The following ZNF585A variants were observed in gnomAD, a reference collection of about 807,000 sequenced individuals.
ZNF585A encodes the protein zinc finger protein 585A.
ZNF585A carries 9 observed loss-of-function variants against 14.9 expected under a neutral mutation model. The ratio of observed to expected loss-of-function variants is 0.60; its 90% confidence interval spans 0.36 to 1.05. The LOEUF is 1.05. Ranked by LOEUF, ZNF585A falls within the 50% of genes least tolerant of loss-of-function variation. The pLI, the probability that ZNF585A is intolerant of heterozygous loss-of-function variation, is 0.01. For missense variants in ZNF585A, 726 were observed against 926.4 expected (o/e 0.78, Z 2.81); for synonymous variants, 276 against 319.9 (o/e 0.86, Z 1.46).
At chr19:37,164,065 G>A (rs1207835648) in intron 2 of ZNF585A, among the ~76,000 whole-genome samples, 5 of 152,082 alleles carry the variant, frequency 3.3e-5, no homozygotes, top group African/African-American at 4.8e-5. Context: ...AATGAGTTTC[G>A]GATGCCGTAT....
Position 37,151,986 on chromosome 19 carries a change from T to C in ZNF585A, c.1913A>G (p.Glu638Gly). ...CCTGCCACTAAAGGCCTTCCCGCAC[T>C]CGGCACACACATAGGGTTTCTCTCC... Reference protein sequence around the residue: ...HTGEKPYVCAECGKAFSGRSN... With the variant: ...HTGEKPYVCAGCGKAFSGRSN... The change falls in exon 5 of 5, where the codon GAG (glutamate) becomes GGG (glycine). Residue 638 changes from glutamate (E) to glycine (G), a missense_variant. Around this residue, in one of 2 missense-constraint regions of ZNF585A, gnomAD observed 243 missense variants for 383.6 expected, o/e 0.63. Coordinates refer to ENST00000292841, the MANE Select transcript of ZNF585A (RefSeq NM_001288800.2). 6.2e-7 allele frequency: 1 copy of C among 1,614,086 alleles called. No homozygotes were observed.
At chr19:37,167,900 G>C (rs895595473) in intron 2 of ZNF585A, among the ~76,000 whole-genome samples, 1 of 152,010 alleles carries the variant, frequency 6.6e-6, no homozygotes, top group Non-Finnish European at 1.5e-5. Context: ...AAAGTGCTGG[G>C]GTTACAGGCG....
chr19:37,165,649 T>C, intron 2 of ZNF585A: 2 of 985,112 alleles, frequency 2.0e-6, no homozygotes, highest in Non-Finnish European at 2.4e-6. Context: ...ATTTGACTTC[T>C]GAATCTATCT....
intron 2 of ZNF585A, chr19:37,165,626 A>G: frequency 3.1e-6 from 3 of 983,300 alleles, no homozygotes; most frequent in Non-Finnish European, 3.6e-6. Flanking sequence ...TCTTCAATGC[A>G]GTTAGTTAAC....
intron 4 of ZNF585A, among the ~76,000 whole-genome samples, chr19:37,154,673 C>CTT (rs1568494477): frequency 1.3e-5 from 2 of 151,510 alleles, no homozygotes; most frequent in African/African-American, 4.8e-5. Flanking sequence ...CAGTGACCCC[C>CTT]AAAGTCATCA....
chr19:37,167,354 T>C (rs1972108436), intron 2 of ZNF585A, among the ~76,000 whole-genome samples: 1 of 152,112 alleles, frequency 6.6e-6, no homozygotes, highest in East Asian at 1.9e-4. Context: ...TTTGTGTTTT[T>C]AGTAGAGACG....
Position 37,152,340 on chromosome 19 carries a change from T to C in ZNF585A, c.1559A>G (p.Lys520Arg), listed in dbSNP as rs1389406557. Residue 520 changes from lysine (K) to arginine (R), a missense_variant, in exon 5 of 5, where the codon AAG becomes AGG. Lys to Arg is a conservative substitution (Grantham distance 26, BLOSUM62 2). Around this residue, in one of 2 missense-constraint regions of ZNF585A, gnomAD observed 243 missense variants for 383.6 expected, o/e 0.63. Transcript: ENST00000292841. ...TCCACAAGTATTGCATTCATAAGGC[T>C]TCTCCCCAGTATGGATTCTCTGATG... ...ITHQRIHTGE[K>R]PYECNTCGKA... 1 of 1,614,108 alleles carries C rather than the reference T, an allele frequency of 6.2e-7. No individual in the cohort carries two copies. The highest frequency in any genetic ancestry group is 1.1e-5 in the South Asian group (1 of 91,084).
In ZNF585A at chr19:37,156,834, G is replaced by A. The variant is rs561381834; in HGVS notation, c.73-479C>T. Among the ~76,000 whole-genome samples, 5 of 152,248 alleles carry A rather than the reference G, an allele frequency of 3.3e-5. No individual in the cohort carries two copies. In the South Asian group the frequency reaches 1.0e-3, roughly 32 times the overall value. On this transcript the variant is annotated intron_variant, in intron 2 of 4. Coordinates refer to ENST00000292841, the MANE Select transcript of ZNF585A (RefSeq NM_001288800.2). ...AGCCTCCCGAGTAGCTGGGATTATA[G>A]GAATGCACCACCATGCCCGGCTAAT...
At chr19:37,171,481 A>G (rs945542975) in intron 1 of ZNF585A, among the ~76,000 whole-genome samples, 4 of 152,258 alleles carry the variant, frequency 2.6e-5, no homozygotes, top group Non-Finnish European at 5.9e-5. Context: ...AAATTTTAAA[A>G]ACTTTTAAAA....
chr19:37,160,347 TAAATAAATAAATAAATAAA>T (rs1387095298), intron 2 of ZNF585A, among the ~76,000 whole-genome samples: 1 of 66,482 alleles, frequency 1.5e-5, no homozygotes, highest in African/African-American at 1.8e-4. Flanking sequence ...GTCTCAAAAA[TAAATAAATAAATAAATAAA>T]TAAATAAATA....
At chr19:37,159,949 A>C (rs1971988388) in intron 2 of ZNF585A, among the ~76,000 whole-genome samples, 1 of 152,212 alleles carries the variant, frequency 6.6e-6, no homozygotes, top group Non-Finnish European at 1.5e-5. Flanking sequence ...CAGGTAAAGC[A>C]AGGCTGAGAG....
intron 2 of ZNF585A, among the ~76,000 whole-genome samples, chr19:37,169,567 G>C (rs1431705304): frequency 6.6e-6 from 1 of 152,044 alleles, no homozygotes; most frequent in Non-Finnish European, 1.5e-5. Flanking sequence ...ACAGCCCAAA[G>C]ATCAATGTAG....
In ZNF585A at chr19:37,145,549, T is replaced by G. The variant is rs1365172976; in HGVS notation, c.*6040A>C. 6.6e-6 allele frequency: 1 copy of G among 152,240 alleles called. No homozygotes were observed. The highest frequency in any genetic ancestry group is 6.5e-5 in the Admixed American group (1 of 15,286). The allele number at this position is 152,240 out of a possible 1,614,324, so 9.4% of individuals were successfully genotyped here. ...TAGAACACACCATGGGTTTTCAGGA[T>G]TGGCATTTATTATAGGCACAAACTT... On this transcript the variant is annotated 3_prime_UTR_variant, in exon 5 of 5. Transcript: ENST00000292841.
chr19:37,161,692 A>T (rs1057096290), intron 2 of ZNF585A, among the ~76,000 whole-genome samples: 1 of 152,224 alleles, frequency 6.6e-6, no homozygotes, highest in Non-Finnish European at 1.5e-5. Flanking sequence ...TGAAGATGAC[A>T]AAGATAAAAA....
chr19:37,166,832 AACTT>A (rs1484890228), intron 2 of ZNF585A, among the ~76,000 whole-genome samples: 5 of 151,634 alleles, frequency 3.3e-5, no homozygotes, highest in South Asian at 2.1e-4. Context: ...TTAGCACATA[AACTT>A]ACTTTATTTA....
At position 37,148,698 on chromosome 19, in the gene ZNF585A, A is replaced by G. The variant is rs1971777054; in HGVS notation, c.*2891T>C. 1 of 152,232 alleles carries G rather than the reference A, an allele frequency of 6.6e-6. No individual in the cohort carries two copies. The highest frequency in any genetic ancestry group is 1.5e-5 in the Non-Finnish European group (1 of 68,042). The allele number at this position is 152,232 out of a possible 1,614,324, so 9.4% of individuals were successfully genotyped here. On this transcript the variant is annotated 3_prime_UTR_variant, in exon 5 of 5. Transcript: ENST00000292841. ...CTTTAAAAATATTTCAGTTATGTCC[A>G]CACAAAAAGCCTGCACAGATATTTA... is the stretch of plus-strand genomic sequence containing the variant.
At chr19:37,166,040 G>C (rs1972085788) in intron 2 of ZNF585A, among the ~76,000 whole-genome samples, 2 of 151,918 alleles carry the variant, frequency 1.3e-5, no homozygotes, top group Admixed American at 1.3e-4. Context: ...CTTTTTTTCA[G>C]TCTTGCTCCG....
chr19:37,156,176 T>C, intron 3 of ZNF585A, 53 bp downstream of exon 3: 1 of 1,600,038 alleles, frequency 6.2e-7, no homozygotes. Context: ...CAACTGAGAA[T>C]GAAAACACTC....
At position 37,153,406 on chromosome 19, in the gene ZNF585A, T is replaced by C. The variant is rs758391518; in HGVS notation, c.493A>G (p.Lys165Glu). 1 of 1,614,108 alleles carries C rather than the reference T, an allele frequency of 6.2e-7. No individual in the cohort carries two copies. The highest frequency in any genetic ancestry group is 8.5e-7 in the Non-Finnish European group (1 of 1,180,022). The change falls in exon 5 of 5, where the codon AAG becomes GAG. Residue 165 changes from lysine to glutamate, a missense_variant. By Grantham distance (56) the Lys-to-Glu change is moderately conservative. This residue lies in a region of ZNF585A where 483 missense variants were observed against 542.8 expected (regional missense o/e 0.89). Coordinates refer to ENST00000292841, the MANE Select transcript of ZNF585A (RefSeq NM_001288800.2). ...AATTCTGGCTTCTGTACAAAAGCCT[T>C]CCCACATTCAATGCATACATAGAGC... ...EKLYVCIECG[K>E]AFVQKPEFII...
Sources: allele counts gnomAD v4.1 joint callset (sites outside exome capture counted in the v4.1 genomes callset), GRCh38; gene constraint gnomAD v4.1.1; regional missense constraint gnomAD v4.1.1; transcripts MANE v1.5; gene names NCBI Gene and HGNC (gene_info 2026-07-23, HGNC 2026-07-21).